Variants in MAFG observed in about 807,000 individuals in gnomAD.
The protein encoded by MAFG is transcription factor MafG.
Under a neutral mutation model 12.2 loss-of-function variants are expected in MAFG, and 3 were observed. The ratio of observed to expected loss-of-function variants is 0.25; its 90% CI spans 0.11 to 0.64. The LOEUF is 0.64. MAFG is among the 30% of genes least tolerant of loss of function. MAFG has a pLI of 0.85. For synonymous variants in MAFG, 126 were observed against 109.1 expected, an observed-to-expected ratio of 1.15 and a Z score of -0.96; for missense variants, 153 against 235.5, an observed-to-expected ratio of 0.65 and a Z score of 2.29.
At chr17:81,928,750 G>A (rs1364950860), upstream of MAFG, among the ~76,000 whole-genome samples, 1 of 152,206 alleles carries the variant, frequency 6.6e-6, no homozygotes, top group Non-Finnish European at 1.5e-5. The surrounding 1 kb of genome is among the most constrained non-coding windows in gnomAD (Gnocchi z 8.1). Flanking sequence ...TGGCTTCCGA[G>A]GCCTCAACCT....
Position 81,922,758 on chromosome 17 carries a change from C to T in MAFG, c.336G>A (p.Glu112=). The change falls in exon 3 of 3, where the codon GAG becomes GAA. Residue 112 remains glutamate, a synonymous_variant. Transcript: ENST00000357736. ...LELDALRSKY[E]ALQTFARTVA... ...CCGTCCGGGCGAAGGTCTGCAGCGC[C>T]TCGTACTTGGAGCGCAGCGCGTCGA... 6.3e-7 allele frequency: 1 copy of T among 1,592,474 alleles called. No individual in the cohort carries two copies. The highest frequency in any genetic ancestry group is 8.6e-7 in the Non-Finnish European group (1 of 1,169,370).
upstream of MAFG, among the ~76,000 whole-genome samples, chr17:81,931,038 A>AG (rs1267432278): frequency 6.6e-5 from 10 of 152,168 alleles, 1 homozygote; most frequent in South Asian, 1.9e-3. Context: ...ACCTCCCCAC[A>AG]GCCTGCCTCA....
Position 81,926,956 on chromosome 17 carries a change from C to A in MAFG, c.-30+572G>T, listed in dbSNP as rs1484813256. On this transcript the variant is annotated intron_variant, in intron 1 of 2. Coordinates refer to ENST00000357736, the MANE Select transcript of MAFG (RefSeq NM_002359.4). The surrounding 1 kb of genome is among the most constrained non-coding windows in gnomAD (Gnocchi z 4.6). ...CGGTATCAGCTTGAGCACCGAGTGA[C>A]CTCACGCTGATGACTCAGCAAGTCT... Among the ~76,000 whole-genome samples the A allele has an allele frequency of 6.6e-6, 1 of 152,170 alleles. No homozygotes were observed. The highest frequency in any genetic ancestry group is 1.5e-5 in the Non-Finnish European group (1 of 68,010).
chr17:81,926,312 G>C lies in MAFG; in HGVS notation c.-30+1216C>G, dbSNP rs1268338380. On this transcript the variant is annotated intron_variant, in intron 1 of 2. Coordinates refer to ENST00000357736, the MANE Select transcript of MAFG (RefSeq NM_002359.4). The surrounding 1 kb of genome is among the most constrained non-coding windows in gnomAD (Gnocchi z 4.6). ...TGGGTGCTGCGTTCTGCCACCCTGT[G>C]CCATCCACACCAGCCCATCTGCTGC... 6.6e-6 allele frequency among the ~76,000 whole-genome samples: 1 copy of C among 152,054 alleles called. No homozygotes were observed. The highest frequency in any genetic ancestry group is 1.5e-5 in the Non-Finnish European group (1 of 68,010).
chr17:81,924,999 T>C lies in MAFG; in HGVS notation c.-29-1785A>G, dbSNP rs2040927446. Among the ~76,000 whole-genome samples, 1 of 152,174 alleles carries C rather than the reference T, an allele frequency of 6.6e-6. No homozygotes were observed. Among genetic ancestry groups the C allele is most frequent in the African/African-American group, 2.4e-5 (1 of 41,442 alleles). On this transcript the variant is annotated intron_variant, in intron 1 of 2. Coordinates refer to ENST00000357736, the MANE Select transcript of MAFG (RefSeq NM_002359.4). This position sits in a 1 kb window ranked among gnomAD's most constrained non-coding sequence, Gnocchi z 4.7. ...CTGAACTCAGCACAAGTGCAAGCCA[T>C]CGCCTCCTATCAAAGGTGCGCCGGG...
chr17:81,923,199 A>G lies in MAFG; in HGVS notation c.-14T>C. On this transcript the variant is annotated 5_prime_UTR_variant, in exon 2 of 3. Transcript: ENST00000357736. ...GGGGGTCGTCATAACCCGGGGGCAC[A>G]GCGAGCAGGCGCTCTCTGCAAGACA... The G allele has an allele frequency of 6.3e-7, 1 of 1,589,570 alleles. No individual in the cohort carries two copies. Among genetic ancestry groups the G allele is most frequent in the Non-Finnish European group, 8.6e-7 (1 of 1,168,142 alleles).
At position 81,918,294 on chromosome 17, in the gene MAFG, T is replaced by G; in HGVS notation, c.*4311A>C. Reference sequence around the variant, plus strand: ...GTCTCTTTAAAAGGTTTATTGATCATATACAAAATAAAGAAAACCTTATAT... The same window carrying G: ...GTCTCTTTAAAAGGTTTATTGATCAGATACAAAATAAAGAAAACCTTATAT... On this transcript the variant is annotated 3_prime_UTR_variant, in exon 3 of 3. Transcript: ENST00000357736. 3 of 540,672 alleles carry G rather than the reference T, an allele frequency of 5.5e-6. No individual in the cohort carries two copies. The highest frequency in any genetic ancestry group is 9.0e-6 in the Non-Finnish European group (3 of 333,338). 33.5% of individuals were successfully genotyped at this position (540,672 alleles called of 1,614,324 possible). A position where few individuals can be genotyped will look rare whatever the true frequency, so the allele number is the denominator to read the frequency against.
chr17:81,922,574 C>G lies in MAFG; in HGVS notation c.*31G>C, dbSNP rs367642656. ...AAATTCGCCATGTGCCTAGTGGCCC[C>G]GCAAAGACCCGCCTGGGCAGACGCG... On this transcript the variant is annotated 3_prime_UTR_variant, in exon 3 of 3. Coordinates refer to ENST00000357736, the MANE Select transcript of MAFG (RefSeq NM_002359.4). The G allele has an allele frequency of 1.0e-4, 148 of 1,420,818 alleles. No homozygotes were observed. In the African/African-American group the frequency reaches 1.6e-3, roughly 16 times the overall value. 88.0% of individuals were successfully genotyped at this position (1,420,818 alleles called of 1,614,324 possible). A position where few individuals can be genotyped will look rare whatever the true frequency, so the allele number is the denominator to read the frequency against.
rs970204641 is a variant in MAFG, at chr17:81,918,355, C to CG, written c.*4249dup. 8 of 373,468 alleles carry CG rather than the reference C, an allele frequency of 2.1e-5. No individual in the cohort carries two copies. The highest frequency in any genetic ancestry group is 3.8e-5 in the Non-Finnish European group (8 of 209,454). The allele number at this position is 373,468 out of a possible 1,614,324, so 23.1% of individuals were successfully genotyped here. On this transcript the variant is annotated 3_prime_UTR_variant, in exon 3 of 3. Coordinates refer to ENST00000357736, the MANE Select transcript of MAFG (RefSeq NM_002359.4). ...TACACTATGTACAGCAATAAATACC[C>CG]GGGGGGCCAGGCCCAGTGCTGCCCC...
At chr17:81,927,048 G>A (rs926607926) in intron 1 of MAFG, among the ~76,000 whole-genome samples, 3 of 151,724 alleles carry the variant, frequency 2.0e-5, no homozygotes, top group African/African-American at 7.3e-5. Context: ...CTTCCCCGCA[G>A]CACCCCCATC....
chr17:81,927,640 C>A lies in MAFG; in HGVS notation c.-142G>T. On this transcript the variant is annotated 5_prime_UTR_variant, in exon 1 of 3. Coordinates refer to ENST00000357736, the MANE Select transcript of MAFG (RefSeq NM_002359.4). ...GTCCGGGCCCGGGGCTCGGAGGACTCGCCGCCTGCGCGGGCCGGGCCGAGC... is the reference window on the plus strand; with the variant it reads ...GTCCGGGCCCGGGGCTCGGAGGACTAGCCGCCTGCGCGGGCCGGGCCGAGC... 1 of 148,692 alleles carries A rather than the reference C, an allele frequency of 6.7e-6. No homozygotes were observed. The allele number at this position is 148,692 out of a possible 1,614,324, so 9.2% of individuals were successfully genotyped here. A position where few individuals can be genotyped will look rare whatever the true frequency, so the allele number is the denominator to read the frequency against.
upstream of MAFG, chr17:81,929,423 A>G (rs113606983): frequency 0.06 from 9,086 of 152,264 alleles, 914 homozygotes; most frequent in African/African-American, 0.21. The surrounding 1 kb of genome is among the most constrained non-coding windows in gnomAD (Gnocchi z 5.7). Context: ...GGGAGGTGCC[A>G]CGTGGAAACA....
chr17:81,922,412 C>A lies in MAFG; in HGVS notation c.*193G>T. 2.1e-6 allele frequency: 1 copy of A among 467,450 alleles called. No homozygotes were observed. The highest frequency in any genetic ancestry group is 3.7e-6 in the Non-Finnish European group (1 of 271,206). 29.0% of individuals were successfully genotyped at this position (467,450 alleles called of 1,614,324 possible). A position where few individuals can be genotyped will look rare whatever the true frequency, so the allele number is the denominator to read the frequency against. On this transcript the variant is annotated 3_prime_UTR_variant, in exon 3 of 3. Transcript: ENST00000357736. ...AACTGACCAATCCCAACATACAAAA[C>A]ACACGACGACAATGACGAGATCAAA...
In MAFG at chr17:81,926,030, C is replaced by T. The variant is rs137956168; in HGVS notation, c.-30+1498G>A. Among the ~76,000 whole-genome samples, 35 of 80,406 alleles carry T rather than the reference C, an allele frequency of 4.4e-4. No homozygotes were observed. Among genetic ancestry groups the T allele is most frequent in the Middle Eastern group, 7.9e-3 (1 of 126 alleles). 52.7% of individuals were successfully genotyped at this position (80,406 alleles called of 152,430 possible). ...TGTGTGTGTGTGTGTGTGTGTGTGG[C>T]GGGGGGCGGGGGGCATCCCTGAGGG... On this transcript the variant is annotated intron_variant, in intron 1 of 2. Coordinates refer to ENST00000357736, the MANE Select transcript of MAFG (RefSeq NM_002359.4). The surrounding 1 kb of genome is among the most constrained non-coding windows in gnomAD (Gnocchi z 4.6).
Position 81,924,895 on chromosome 17 carries a change from G to A in MAFG, c.-29-1681C>T, listed in dbSNP as rs1030700136. ...CCATCGCCCCCACCCCTGCTGCTAA[G>A]CACAATGACAGTGGTGACTTCCTGA... is the stretch of plus-strand genomic sequence containing the variant. On this transcript the variant is annotated intron_variant, in intron 1 of 2. Transcript: ENST00000357736. This position sits in a 1 kb window ranked among gnomAD's most constrained non-coding sequence, Gnocchi z 4.7. 1.6e-4 allele frequency among the ~76,000 whole-genome samples: 25 copies of A among 152,014 alleles called. No individual in the cohort carries two copies. The highest frequency in any genetic ancestry group is 6.0e-4 in the African/African-American group (25 of 41,412).
rs1438606660 is a variant in MAFG at position 81,926,414 on chromosome 17, G to A, written c.-30+1114C>T. ...ACTCCAGGGCCAACTGGGGAGAGAG[G>A]CTGGGCTGCTTCCTCCCCTTTGCCG... is the stretch of plus-strand genomic sequence containing the variant. On this transcript the variant is annotated intron_variant, in intron 1 of 2. Coordinates refer to ENST00000357736, the MANE Select transcript of MAFG (RefSeq NM_002359.4). The surrounding 1 kb of genome is among the most constrained non-coding windows in gnomAD (Gnocchi z 4.6). Among the ~76,000 whole-genome samples the A allele has an allele frequency of 3.3e-5, 5 of 152,152 alleles. No individual in the cohort carries two copies. Among genetic ancestry groups the A allele is most frequent in the South Asian group, 4.1e-4 (2 of 4,826 alleles).
rs768656329 is a variant in MAFG at position 81,922,667 on chromosome 17, C to G, written c.427G>C (p.Gly143Arg). ...LAAGLGPLVP[G>R]KVAATSVITI... ...ATGACGCTGGTGGCGGCCACCTTGC[C>G]TGGGACGAGGGGCCCCAGGCCGGCG... Residue 143 changes from glycine to arginine, a missense_variant, in exon 3 of 3, where the codon GGC becomes CGC. Gly to Arg is a moderately radical substitution (Grantham distance 125). Transcript: ENST00000357736. 2.7e-6 allele frequency: 4 copies of G among 1,506,702 alleles called. No individual in the cohort carries two copies. Among genetic ancestry groups the G allele is most frequent in the Non-Finnish European group, 3.5e-6 (4 of 1,132,714 alleles). The allele number at this position is 1,506,702 out of a possible 1,614,324, so 93.3% of individuals were successfully genotyped here.
rs1275211486 is a variant in MAFG at position 81,919,719 on chromosome 17, G to A, written c.*2886C>T. 1 of 152,272 alleles carries A rather than the reference G, an allele frequency of 6.6e-6. No individual in the cohort carries two copies. The allele number at this position is 152,272 out of a possible 1,614,324, so 9.4% of individuals were successfully genotyped here. A position where few individuals can be genotyped will look rare whatever the true frequency, so the allele number is the denominator to read the frequency against. On this transcript the variant is annotated 3_prime_UTR_variant, in exon 3 of 3. Transcript: ENST00000357736. ...AAAGCGGGATCAACAGAGATCAGAA[G>A]GACAGCACACTCACACCTGCACATG...
chr17:81,929,230 G>A (rs574661629), upstream of MAFG, among the ~76,000 whole-genome samples: 147 of 152,298 alleles, frequency 9.7e-4, no homozygotes, highest in Non-Finnish European at 1.8e-3. The surrounding 1 kb of genome is among the most constrained non-coding windows in gnomAD (Gnocchi z 5.7). Flanking sequence ...TCCTGGGAAG[G>A]AGCCTCAGTC....
Sources: gnomAD v4.1 joint callset for allele counts (sites outside exome capture counted in the v4.1 genomes callset) on GRCh38, gnomAD v4.1.1 for gene constraint, Gnocchi (gnomAD v3.1) non-coding constraint, MANE v1.5 for transcripts, NCBI Gene and HGNC (gene_info 2026-07-23, HGNC 2026-07-21) for gene names.